The following ZNF805 variants were observed in gnomAD, a reference collection of about 807,000 sequenced individuals.
ZNF805 encodes zinc finger protein 805, also known as CTC-444N24.8.
In ZNF805, 7 loss-of-function variants were observed where a neutral mutation model predicts 13.6. That is an observed-to-expected ratio of 0.51 (90% confidence interval 0.29 to 0.97). The LOEUF is 0.97. ZNF805 is among the 50% of genes least tolerant of loss of function. The pLI is 0.08. For synonymous variants in ZNF805, 293 were observed against 279.8 expected, an observed-to-expected ratio of 1.05 and a Z score of -0.47; for missense variants, 604 against 771.0, an observed-to-expected ratio of 0.78 and a Z score of 2.57.
chr19:57,245,590 T>A (rs200508942), intron 2 of ZNF805, among the ~76,000 whole-genome samples: 2 of 148,660 alleles, frequency 1.3e-5, no homozygotes, highest in Non-Finnish European at 3.0e-5. Context: ...CCATCCTGGC[T>A]AACACGGTGC....
intron 2 of ZNF805, among the ~76,000 whole-genome samples, chr19:57,246,315 A>T (rs2087618398): frequency 1.3e-5 from 2 of 152,194 alleles, no homozygotes; most frequent in African/African-American, 4.8e-5. Flanking sequence ...CTAGGATTAC[A>T]GGCAGGTGCC....
intron 3 of ZNF805, 82 bp from the exon 4 acceptor site, chr19:57,252,991 A>T (rs779485617): frequency 8.0e-7 from 1 of 1,249,644 alleles, no homozygotes; most frequent in Non-Finnish European, 1.0e-6. Flanking sequence ...TTATAACTTC[A>T]TTTTTTTTAC....
chr19:57,244,061 C>G lies in ZNF805; in HGVS notation c.157+12C>G, dbSNP rs1478866175. 1 of 1,611,954 alleles carries G rather than the reference C, an allele frequency of 6.2e-7. No individual in the cohort carries two copies. Among genetic ancestry groups the G allele is most frequent in the Admixed American group, 1.7e-5 (1 of 59,864 alleles). ...CCTGGTATCTCTGGGTAAGGCCTTCCCCCTCCACCATGCAGGGGATCTGCC... is the reference window on the plus strand; with the variant it reads ...CCTGGTATCTCTGGGTAAGGCCTTCGCCCTCCACCATGCAGGGGATCTGCC... On this transcript the variant is annotated intron_variant, in intron 2 of 3. Coordinates refer to ENST00000414468, the MANE Select transcript of ZNF805 (RefSeq NM_001023563.4).
In ZNF805 at chr19:57,257,529, C is replaced by T. The variant is rs1431941959; in HGVS notation, c.*2826C>T. On this transcript the variant is annotated 3_prime_UTR_variant, in exon 4 of 4. Transcript: ENST00000414468. Reference sequence around the variant, plus strand: ...GTCCCTTTTTGTTCCTGTTAATACTCTTATCAATTTTTATCTGATATTTGT... The same window carrying T: ...GTCCCTTTTTGTTCCTGTTAATACTTTTATCAATTTTTATCTGATATTTGT... 6.6e-6 allele frequency among the ~76,000 whole-genome samples: 1 copy of T among 151,670 alleles called. No individual in the cohort carries two copies. The highest frequency in any genetic ancestry group is 1.9e-4 in the East Asian group (1 of 5,184).
rs936559980 is a variant in ZNF805 at position 57,256,969 on chromosome 19, A to C, written c.*2266A>C. Reference sequence around the variant, plus strand: ...CTTACACTGCTGTTAGTTTCATCCCACAAGTCTTAATATGCTTTTGATTAT... The same window carrying C: ...CTTACACTGCTGTTAGTTTCATCCCCCAAGTCTTAATATGCTTTTGATTAT... On this transcript the variant is annotated 3_prime_UTR_variant, in exon 4 of 4. Coordinates refer to ENST00000414468, the MANE Select transcript of ZNF805 (RefSeq NM_001023563.4). Among the ~76,000 whole-genome samples, 1 of 152,154 alleles carries C rather than the reference A, an allele frequency of 6.6e-6. No individual in the cohort carries two copies. The highest frequency in any genetic ancestry group is 2.4e-5 in the African/African-American group (1 of 41,440).
At chr19:57,243,437 A>C (rs1164446301) in intron 1 of ZNF805, among the ~76,000 whole-genome samples, 1 of 152,180 alleles carries the variant, frequency 6.6e-6, no homozygotes, top group Non-Finnish European at 1.5e-5. Flanking sequence ...ATTGAGGCAG[A>C]GATAAATGAG....
Position 57,253,079 on chromosome 19 carries a change from A to G in ZNF805, c.260A>G (p.Lys87Arg), listed in dbSNP as rs771622195. 11 of 1,441,022 alleles carry G rather than the reference A, an allele frequency of 7.6e-6. No homozygotes were observed. Among genetic ancestry groups the G allele is most frequent in the Non-Finnish European group, 1.0e-5 (11 of 1,095,282 alleles). 89.3% of individuals were successfully genotyped at this position (1,441,022 alleles called of 1,614,324 possible). A position where few individuals can be genotyped will look rare whatever the true frequency, so the allele number is the denominator to read the frequency against. Residue 87 changes from lysine (K) to arginine (R), a missense_variant, in exon 4 of 4, where the codon AAA becomes AGA. This residue lies in a region of ZNF805 where 327 missense variants were observed against 378.2 expected (regional missense o/e 0.86). Transcript: ENST00000414468. This position sits in a 1 kb window ranked among gnomAD's most constrained non-coding sequence, Gnocchi z 4.4. Reference protein sequence around the residue: ...DLSQGTCPGDKGKPKSTEPTT... With the variant: ...DLSQGTCPGDRGKPKSTEPTT... ...TGTGTTGGATTTCTTTCAGGTGACAAAGGAAAACCCAAGAGCACAGAACCT... is the reference window on the plus strand; with the variant it reads ...TGTGTTGGATTTCTTTCAGGTGACAGAGGAAAACCCAAGAGCACAGAACCT...
rs2122845277 is a variant in ZNF805 at position 57,254,911 on chromosome 19, A to G, written c.*208A>G. The G allele has an allele frequency of 5.3e-6, 3 of 566,970 alleles. No homozygotes were observed. Among genetic ancestry groups the G allele is most frequent in the East Asian group, 3.0e-5 (1 of 32,888 alleles). The allele number at this position is 566,970 out of a possible 1,614,324, so 35.1% of individuals were successfully genotyped here. A position where few individuals can be genotyped will look rare whatever the true frequency, so the allele number is the denominator to read the frequency against. On this transcript the variant is annotated 3_prime_UTR_variant, in exon 4 of 4. Coordinates refer to ENST00000414468, the MANE Select transcript of ZNF805 (RefSeq NM_001023563.4). ...ATTTTTATAAACAGAAAGAGGTGACATAGAAAAGAAAATGAAATGCAGACA... is the reference window on the plus strand; with the variant it reads ...ATTTTTATAAACAGAAAGAGGTGACGTAGAAAAGAAAATGAAATGCAGACA...
At position 57,262,552 on chromosome 19, in the gene ZNF805, G is replaced by A. The variant is rs879367822; in HGVS notation, c.*7849G>A. 15 of 167,008 alleles carry A rather than the reference G, an allele frequency of 9.0e-5. No individual in the cohort carries two copies. The highest frequency in any genetic ancestry group is 3.6e-4 in the African/African-American group (15 of 41,424). 10.3% of individuals were successfully genotyped at this position (167,008 alleles called of 1,614,324 possible). ...ATTTCGGCAAAGATGTGATGGGTAG[G>A]TAAATGCCGTGTTCTTTCCCTAGCA... On this transcript the variant is annotated 3_prime_UTR_variant, in exon 4 of 4. Transcript: ENST00000414468.
rs2087692895 is a variant in ZNF805, at chr19:57,257,271, G to C, written c.*2568G>C. ...TGTAAAAGTTTGTATGATCCTGTTA[G>C]TTGGTGGTGTTATTTAGGTCTCCTG... On this transcript the variant is annotated 3_prime_UTR_variant, in exon 4 of 4. Transcript: ENST00000414468. 6.6e-6 allele frequency among the ~76,000 whole-genome samples: 1 copy of C among 152,120 alleles called. No homozygotes were observed. The highest frequency in any genetic ancestry group is 2.1e-4 in the South Asian group (1 of 4,822).
In ZNF805 at chr19:57,253,249, G is replaced by C; in HGVS notation, c.430G>C (p.Asp144His). 6.4e-7 allele frequency: 1 copy of C among 1,557,314 alleles called. No individual in the cohort carries two copies. The highest frequency in any genetic ancestry group is 8.7e-7 in the Non-Finnish European group (1 of 1,150,536). Reference protein sequence around the residue: ...MQGERLRPGLDSQKEKLPGKM... With the variant: ...MQGERLRPGLHSQKEKLPGKM... Reference sequence around the variant, plus strand: ...GGGAGAACGCTTGAGACCAGGGTTAGATTCCCAAAAGGAGAAGCTTCCTGG... The same window carrying C: ...GGGAGAACGCTTGAGACCAGGGTTACATTCCCAAAAGGAGAAGCTTCCTGG... The change falls in exon 4 of 4, where the codon GAT becomes CAT. Residue 144 changes from aspartate (D) to histidine (H), a missense_variant. Around this residue, in one of 3 missense-constraint regions of ZNF805, gnomAD observed 327 missense variants for 378.2 expected, o/e 0.86. Transcript: ENST00000414468. The surrounding 1 kb of genome is among the most constrained non-coding windows in gnomAD (Gnocchi z 4.4).
chr19:57,248,265 AAAT>A (rs1276482797), intron 2 of ZNF805, among the ~76,000 whole-genome samples: 1 of 152,216 alleles, frequency 6.6e-6, no homozygotes, highest in African/African-American at 2.4e-5. Flanking sequence ...TTCTGAATGA[AAAT>A]AATCAATGTT....
Position 57,240,917 on chromosome 19 carries a change from C to T in ZNF805, c.26C>T (p.Ala9Val). The T allele has an allele frequency of 6.4e-7, 1 of 1,559,372 alleles. No homozygotes were observed. Among genetic ancestry groups the T allele is most frequent in the Non-Finnish European group, 8.7e-7 (1 of 1,151,984 alleles). The change falls in exon 1 of 4, where the codon GCG becomes GTG. Residue 9 changes from alanine (A) to valine (V), a missense_variant. This residue lies in a region of ZNF805 where 327 missense variants were observed against 378.2 expected (regional missense o/e 0.86). Coordinates refer to ENST00000414468, the MANE Select transcript of ZNF805 (RefSeq NM_001023563.4). ...ATGGCGATGGCTTTGACGGACCCGGCGCAGGTGAGTGGACAAGGTTTCGGC... is the reference window on the plus strand; with the variant it reads ...ATGGCGATGGCTTTGACGGACCCGGTGCAGGTGAGTGGACAAGGTTTCGGC... MAMALTDP[A>V]QVSVTFDDVA...
Position 57,256,111 on chromosome 19 carries a change from GTTGATATGATGTGTTACC to G in ZNF805, c.*1414_*1431del, listed in dbSNP as rs2087685946. ...TTATGTGATGTTACTTCTATAGTCA[GTTGATATGATGTGTTACC>G]TTGATTGAGTTTCAAGTATTGAACC... On this transcript the variant is annotated 3_prime_UTR_variant, in exon 4 of 4. Coordinates refer to ENST00000414468, the MANE Select transcript of ZNF805 (RefSeq NM_001023563.4). 6.6e-6 allele frequency among the ~76,000 whole-genome samples: 1 copy of G among 152,046 alleles called. No homozygotes were observed. The highest frequency in any genetic ancestry group is 1.5e-5 in the Non-Finnish European group (1 of 67,952).
Position 57,257,856 on chromosome 19 carries a change from G to A in ZNF805, c.*3153G>A, listed in dbSNP as rs1182731167. ...TGAGTAGCTGGGATTACAGGCATCC[G>A]CCACCATGCCTGACTGATTTTTTGT... On this transcript the variant is annotated 3_prime_UTR_variant, in exon 4 of 4. Transcript: ENST00000414468. Among the ~76,000 whole-genome samples, 11 of 151,504 alleles carry A rather than the reference G, an allele frequency of 7.3e-5. No homozygotes were observed. The highest frequency in any genetic ancestry group is 2.2e-4 in the African/African-American group (9 of 41,228).
rs1054194412 is a variant in ZNF805, at chr19:57,241,052, T to A, written c.30+131T>A. On this transcript the variant is annotated intron_variant, in intron 1 of 3. Coordinates refer to ENST00000414468, the MANE Select transcript of ZNF805 (RefSeq NM_001023563.4). ...TTTGTTTACGAAACGTGGAGCAGGC[T>A]CGTCACTTAGTTTATCTCCTGTCGT... 4 of 1,030,684 alleles carry A rather than the reference T, an allele frequency of 3.9e-6. No homozygotes were observed. The African/African-American group carries it at 6.4e-5, about 17-fold the overall frequency. The allele number at this position is 1,030,684 out of a possible 1,614,324, so 63.8% of individuals were successfully genotyped here. A position where few individuals can be genotyped will look rare whatever the true frequency, so the allele number is the denominator to read the frequency against.
rs539680381 is a variant in ZNF805 at position 57,243,962 on chromosome 19, C to A, written c.70C>A (p.Gln24Lys). The A allele has an allele frequency of 9.9e-6, 16 of 1,614,126 alleles. No homozygotes were observed. The Admixed American group carries it at 1.5e-4, about 15-fold the overall frequency. Residue 24 changes from glutamine (Q) to lysine (K), a missense_variant, in exon 2 of 4, where the codon CAG becomes AAG. Transcript: ENST00000414468. The part of the protein sequence containing the change: ...TFDDVAVTFT[Q>K]EEWGQLDLAQ... ...TGATGATGTGGCTGTGACTTTCACC[C>A]AGGAGGAGTGGGGCCAGCTGGACCT...
At chr19:57,245,644 T>C (rs1445132090) in intron 2 of ZNF805, among the ~76,000 whole-genome samples, 1 of 150,038 alleles carries the variant, frequency 6.7e-6, no homozygotes, top group Non-Finnish European at 1.5e-5. Context: ...CCGGGCGTGG[T>C]GGCGGGTGCC....
intron 2 of ZNF805, among the ~76,000 whole-genome samples, chr19:57,245,556 G>GGCAT (rs2087608613): frequency 6.6e-6 from 1 of 150,668 alleles, no homozygotes; most frequent in Non-Finnish European, 1.5e-5. Flanking sequence ...GAGATGGGCG[G>GGCAT]ATCACAAGGT....
Sources: gnomAD v4.1 joint callset for allele counts (sites outside exome capture counted in the v4.1 genomes callset) on GRCh38, gnomAD v4.1.1 for gene constraint, gnomAD v4.1.1 regional missense constraint, Gnocchi (gnomAD v3.1) non-coding constraint, MANE v1.5 for transcripts, NCBI Gene and HGNC (gene_info 2026-07-23, HGNC 2026-07-21) for gene names.